EYA4: variants seen among roughly 807,000 people sequenced by gnomAD.
The protein encoded by EYA4 is protein phosphatase EYA4.
In EYA4, 31 loss-of-function variants were observed where a neutral mutation model predicts 87.9. That is an observed-to-expected ratio of 0.35 (90% CI 0.27 to 0.48). The LOEUF is 0.48. EYA4 is among the 20% of genes least tolerant of loss of function. EYA4 has a pLI of 0.99. For synonymous variants in EYA4, 263 were observed against 270.6 expected (o/e 0.97, Z 0.28); for missense variants, 678 against 761.4 (o/e 0.89, Z 1.29).
intron 3 of EYA4, among the ~76,000 whole-genome samples, chr6:133,393,820 T>TTTTTTTTTGG (rs1562368341): frequency 6.6e-6 from 1 of 152,186 alleles, no homozygotes; most frequent in African/African-American, 2.4e-5. Context: ...CACACACATC[T>TTTTTTTTTGG]TCTAAGACTA....
intron 2 of EYA4, among the ~76,000 whole-genome samples, chr6:133,311,164 C>G (rs1347055538): frequency 6.6e-6 from 1 of 152,160 alleles, no homozygotes; most frequent in Non-Finnish European, 1.5e-5. Context: ...CACACCTTTC[C>G]TGTTCTACTG....
At chr6:133,264,549 T>C (rs564863165) in intron 1 of EYA4, among the ~76,000 whole-genome samples, 2 of 152,166 alleles carry the variant, frequency 1.3e-5, no homozygotes, top group Non-Finnish European at 2.9e-5. Context: ...AGAGGAGGGA[T>C]TTGGCGAACT....
At chr6:133,452,580 G>A (rs1583317878) in intron 5 of EYA4, among the ~76,000 whole-genome samples, 1 of 152,074 alleles carries the variant, frequency 6.6e-6, no homozygotes. Flanking sequence ...GTGAAGACAG[G>A]AAATCTGTGA....
chr6:133,287,071 C>T (rs888723634), intron 2 of EYA4, among the ~76,000 whole-genome samples: 1 of 152,156 alleles, frequency 6.6e-6, no homozygotes, highest in Admixed American at 6.5e-5. Context: ...ATCTACATTA[C>T]ATCTGTTTCC....
chr6:133,454,979 A>C (rs1477859618), intron 5 of EYA4, among the ~76,000 whole-genome samples: 1 of 152,052 alleles, frequency 6.6e-6, no homozygotes, highest in East Asian at 1.9e-4. Flanking sequence ...CTGCACTGGA[A>C]CTTATGCAGG....
At chr6:133,302,705 A>G (rs962547587) in intron 2 of EYA4, among the ~76,000 whole-genome samples, 18 of 152,358 alleles carry the variant, frequency 1.2e-4, no homozygotes, top group Non-Finnish European at 2.1e-4. Context: ...TTTAAAAGTT[A>G]AGATCTTAAA....
chr6:133,489,448 A>G (rs1010307403), intron 13 of EYA4, among the ~76,000 whole-genome samples: 1 of 152,170 alleles, frequency 6.6e-6, no homozygotes, highest in African/African-American at 2.4e-5. Flanking sequence ...ACTATCTCAA[A>G]GCATTTGATA....
chr6:133,422,499 A>G (rs546222724), intron 3 of EYA4, among the ~76,000 whole-genome samples: 4 of 152,324 alleles, frequency 2.6e-5, no homozygotes, highest in Admixed American at 2.6e-4. Context: ...ATTATATGGC[A>G]TAGACTATGC....
intron 2 of EYA4, among the ~76,000 whole-genome samples, chr6:133,280,473 T>G (rs1300726987): frequency 6.6e-6 from 1 of 152,178 alleles, no homozygotes; most frequent in Non-Finnish European, 1.5e-5. Flanking sequence ...CTCGGCTCAC[T>G]GCAACCTCCG....
chr6:133,513,204 A>G (rs1799308595), intron 16 of EYA4, among the ~76,000 whole-genome samples, 166 bp downstream of exon 16: 1 of 152,176 alleles, frequency 6.6e-6, no homozygotes, highest in African/African-American at 2.4e-5. Flanking sequence ...AAATTTAACT[A>G]CAAAATAAAA....
chr6:133,365,594 A>G (rs1229445772), intron 2 of EYA4, among the ~76,000 whole-genome samples: 2 of 152,104 alleles, frequency 1.3e-5, no homozygotes, highest in Non-Finnish European at 2.9e-5. Context: ...GTCAGGATGC[A>G]GAAGGAGGAA....
At chr6:133,438,357 G>A (rs1183188866) in intron 3 of EYA4, among the ~76,000 whole-genome samples, 1 of 149,576 alleles carries the variant, frequency 6.7e-6, no homozygotes, top group Non-Finnish European at 1.5e-5. Context: ...CCGTTCTATG[G>A]TGTGTGCTTC....
rs1186183924 is a variant in EYA4 at position 133,301,307 on chromosome 6, G to A, written c.33+26494G>A. ...TTTATCTTTTAAACATTATATGATT[G>A]TATTAATAACACATGATGAAAATTC... On this transcript the variant is annotated intron_variant, in intron 2 of 19. Coordinates refer to ENST00000355286, the MANE Select transcript of EYA4 (RefSeq NM_004100.5). 2.0e-5 allele frequency among the ~76,000 whole-genome samples: 3 copies of A among 152,156 alleles called. No homozygotes were observed. In the South Asian group the frequency reaches 6.2e-4, roughly 31 times the overall value.
In EYA4 at chr6:133,530,396, C is replaced by T. The variant is rs958226759; in HGVS notation, c.*1591C>T. Reference sequence around the variant, plus strand: ...ACGATACAGGTTCTCCTCTTATTTCCTATGACACGATTTCCCTTGTGGAAA... The same window carrying T: ...ACGATACAGGTTCTCCTCTTATTTCTTATGACACGATTTCCCTTGTGGAAA... On this transcript the variant is annotated 3_prime_UTR_variant, in exon 20 of 20. Transcript: ENST00000355286. The T allele has an allele frequency of 3.0e-6, 3 of 985,262 alleles. No individual in the cohort carries two copies. The highest frequency in any genetic ancestry group is 1.7e-5 in the African/African-American group (1 of 57,232). The allele number at this position is 985,262 out of a possible 1,614,324, so 61.0% of individuals were successfully genotyped here.
chr6:133,496,221 G>C (rs1469164175), intron 13 of EYA4, among the ~76,000 whole-genome samples: 2 of 152,162 alleles, frequency 1.3e-5, no homozygotes, highest in Admixed American at 6.5e-5. Flanking sequence ...GTAGTGTTAA[G>C]ATTGTCTAAG....
At position 133,311,734 on chromosome 6, in the gene EYA4, G is replaced by A. The variant is rs1406331887; in HGVS notation, c.33+36921G>A. Among the ~76,000 whole-genome samples the A allele has an allele frequency of 5.3e-5, 8 of 152,164 alleles. No individual in the cohort carries two copies. The South Asian group carries it at 1.7e-3, about 31-fold the overall frequency. On this transcript the variant is annotated intron_variant, in intron 2 of 19. Transcript: ENST00000355286. ...GTGGCCTGCAAAGCCTGCATGGTCT[G>A]CTTCTCCTGGATTGTAAGCTCCACG...
At position 133,528,706 on chromosome 6, in the gene EYA4, C is replaced by G; in HGVS notation, c.1840-19C>G. Reference sequence around the variant, plus strand: ...CCTTCCCCTTCTCTCTCCCATCCCTCCTTCTCCTAACCACACAGCACAACA... The same window carrying G: ...CCTTCCCCTTCTCTCTCCCATCCCTGCTTCTCCTAACCACACAGCACAACA... On this transcript the variant is annotated intron_variant, in intron 19 of 19. Coordinates refer to ENST00000355286, the MANE Select transcript of EYA4 (RefSeq NM_004100.5). The G allele has an allele frequency of 6.4e-7, 1 of 1,568,772 alleles. No homozygotes were observed. Among genetic ancestry groups the G allele is most frequent in the East Asian group, 2.2e-5 (1 of 44,672 alleles).
chr6:133,307,142 A>G (rs1779870095), intron 2 of EYA4, among the ~76,000 whole-genome samples: 1 of 152,226 alleles, frequency 6.6e-6, no homozygotes, highest in Admixed American at 6.5e-5. Context: ...GGCGAGTTTC[A>G]TTAGGAGCCT....
chr6:133,382,101 T>G (rs1280925597), intron 2 of EYA4, among the ~76,000 whole-genome samples: 1 of 152,184 alleles, frequency 6.6e-6, no homozygotes, highest in Non-Finnish European at 1.5e-5. Context: ...GCTTTCTAGT[T>G]CCTAAGTGGG....
Sources: gnomAD v4.1 joint callset for allele counts (sites outside exome capture counted in the v4.1 genomes callset) on GRCh38, gnomAD v4.1.1 for gene constraint, MANE v1.5 for transcripts, NCBI Gene and HGNC (gene_info 2026-07-23, HGNC 2026-07-21) for gene names.